Variants in PTPRM observed in about 807,000 individuals in gnomAD.
The protein encoded by PTPRM is receptor-type tyrosine-protein phosphatase mu.
Under a neutral mutation model 186.7 loss-of-function variants are expected in PTPRM, and 47 were observed. The ratio of observed to expected loss-of-function variants is 0.25; its 90% CI spans 0.20 to 0.32. The LOEUF is 0.32. PTPRM is among the 10% of genes least tolerant of loss of function. The probability of loss-of-function intolerance (pLI) is 1.00; values close to 1 mark genes in which losing one functional copy is unlikely to be tolerated. For missense variants in PTPRM, 1,494 were observed against 1,865.0 expected (o/e 0.80, Z 3.66); for synonymous variants, 668 against 674.9 (o/e 0.99, Z 0.16).
chr18:7,882,266 ATGTTTATTGT>A (rs1434359572), intron 2 of PTPRM, among the ~76,000 whole-genome samples: 1 of 152,154 alleles, frequency 6.6e-6, no homozygotes, highest in African/African-American at 2.4e-5. Context: ...CTAGCAATTC[ATGTTTATTGT>A]ATTTTATATA....
At chr18:8,091,319 C>T (rs1288320819) in intron 11 of PTPRM, among the ~76,000 whole-genome samples, 1 of 152,284 alleles carries the variant, frequency 6.6e-6, no homozygotes, top group East Asian at 1.9e-4. Flanking sequence ...GAATATGCTC[C>T]TTGAATTTGC....
At position 7,722,612 on chromosome 18, in the gene PTPRM, T is replaced by C. The variant is rs923474273; in HGVS notation, c.74-51537T>C. Among the ~76,000 whole-genome samples the C allele has an allele frequency of 6.6e-5, 10 of 151,920 alleles. No homozygotes were observed. In the South Asian group the frequency reaches 8.3e-4, roughly 13 times the overall value. ...AACCAAGATGAAATAAAAGAAAAGA[T>C]TGACAGGTTTGCCAGTGGCAACATA... On this transcript the variant is annotated intron_variant, in intron 1 of 32. Transcript: ENST00000580170.
intron 1 of PTPRM, among the ~76,000 whole-genome samples, chr18:7,722,044 T>G (rs1205228964): frequency 6.6e-6 from 1 of 152,228 alleles, no homozygotes; most frequent in African/African-American, 2.4e-5. Context: ...ACTGTTTGTA[T>G]TGTATATGCT....
chr18:8,313,296 C>T (rs1568726212), intron 20 of PTPRM, among the ~76,000 whole-genome samples: 1 of 152,192 alleles, frequency 6.6e-6, no homozygotes, highest in Non-Finnish European at 1.5e-5. Context: ...CTGTGCTTTC[C>T]TTTCAGGGCA....
intron 1 of PTPRM, among the ~76,000 whole-genome samples, chr18:7,684,367 C>T (rs2039549264): frequency 6.6e-6 from 1 of 151,920 alleles, no homozygotes; most frequent in Non-Finnish European, 1.5e-5. Flanking sequence ...AACATGGGAT[C>T]ATAAGATCTA....
chr18:7,884,099 A>C (rs1486724338), intron 2 of PTPRM, among the ~76,000 whole-genome samples: 1 of 152,104 alleles, frequency 6.6e-6, no homozygotes, highest in Non-Finnish European at 1.5e-5. Flanking sequence ...ATGAGCCGTG[A>C]CTCTGCCACT....
At chr18:7,646,454 G>C (rs938981495) in intron 1 of PTPRM, among the ~76,000 whole-genome samples, 2 of 152,122 alleles carry the variant, frequency 1.3e-5, no homozygotes, top group African/African-American at 2.4e-5. Flanking sequence ...TTTTGTAAAT[G>C]TTACTTGCAT....
intron 10 of PTPRM, among the ~76,000 whole-genome samples, chr18:8,086,966 GA>G (rs1005219253): frequency 6.6e-6 from 1 of 152,032 alleles, no homozygotes; most frequent in Non-Finnish European, 1.5e-5. Flanking sequence ...AAGTCTTTGG[GA>G]AGTTAGAATA....
chr18:8,272,636 T>G (rs962219950), intron 19 of PTPRM, among the ~76,000 whole-genome samples: 1 of 152,182 alleles, frequency 6.6e-6, no homozygotes, highest in African/African-American at 2.4e-5. Context: ...TTTTTATTAA[T>G]GATTTCCAAG....
chr18:7,917,460 T>C (rs7244035), intron 4 of PTPRM, among the ~76,000 whole-genome samples: 44,058 of 151,926 alleles, frequency 0.29, 6,796 homozygotes, highest in East Asian at 0.44. Context: ...GGCGTGAACC[T>C]GGGAGGCGGA....
chr18:7,604,464 G>A (rs911958856), intron 1 of PTPRM, among the ~76,000 whole-genome samples: 4 of 152,248 alleles, frequency 2.6e-5, no homozygotes, highest in African/African-American at 9.6e-5. Flanking sequence ...TGAAGTCTTG[G>A]CATTAGTGAC....
intron 1 of PTPRM, among the ~76,000 whole-genome samples, chr18:7,706,090 T>G (rs1447003267): frequency 2.0e-5 from 3 of 151,036 alleles, no homozygotes; most frequent in Non-Finnish European, 2.9e-5. Context: ...TGTTACCTTT[T>G]AAAATAGTTC....
intron 2 of PTPRM, among the ~76,000 whole-genome samples, chr18:7,788,893 T>C (rs1429537283): frequency 2.6e-5 from 4 of 152,238 alleles, no homozygotes; most frequent in African/African-American, 9.6e-5. Flanking sequence ...CCAGCTGTTA[T>C]AGATAGTTAA....
At chr18:7,574,411 G>C (rs1235338831) in intron 1 of PTPRM, among the ~76,000 whole-genome samples, 1 of 152,178 alleles carries the variant, frequency 6.6e-6, no homozygotes, top group Non-Finnish European at 1.5e-5. Flanking sequence ...GTTATAATAA[G>C]CATGCAGCCC....
Position 7,598,957 on chromosome 18 carries a change from A to G in PTPRM, c.73+31066A>G, listed in dbSNP as rs367855070. 2.6e-5 allele frequency among the ~76,000 whole-genome samples: 4 copies of G among 152,282 alleles called. No homozygotes were observed. The East Asian group carries it at 7.7e-4, about 29-fold the overall frequency. ...TAAAGAGCTGAGCAAATCTTAAAGC[A>G]TTATTATCACATTTTAGACTAAATA... On this transcript the variant is annotated intron_variant, in intron 1 of 32. Coordinates refer to ENST00000580170, the MANE Select transcript of PTPRM (RefSeq NM_001105244.2).
At chr18:8,187,337 T>C (rs2093655788) in intron 14 of PTPRM, among the ~76,000 whole-genome samples, 1 of 152,128 alleles carries the variant, frequency 6.6e-6, no homozygotes, top group Non-Finnish European at 1.5e-5. Flanking sequence ...GTCTTGGGTC[T>C]GTGGTGGGAG....
intron 14 of PTPRM, among the ~76,000 whole-genome samples, chr18:8,239,414 G>A (rs563048491): frequency 6.6e-6 from 1 of 152,072 alleles, no homozygotes; most frequent in East Asian, 1.9e-4. Flanking sequence ...GAGGCCTGAG[G>A]GGATTTGTCT....
intron 19 of PTPRM, among the ~76,000 whole-genome samples, chr18:8,261,762 T>C (rs2094634201): frequency 6.6e-6 from 1 of 152,242 alleles, no homozygotes; most frequent in Non-Finnish European, 1.5e-5. Flanking sequence ...ATGCTCCCGC[T>C]GATGATAATT....
At position 7,880,230 on chromosome 18, in the gene PTPRM, G is replaced by T. The variant is rs78791521; in HGVS notation, c.197-7876G>T. Among the ~76,000 whole-genome samples the T allele has an allele frequency of 6.6e-3, 1,005 of 152,258 alleles. 9 individuals carry two copies. The highest frequency in any genetic ancestry group is 0.023 in the African/African-American group (957 of 41,550). On this transcript the variant is annotated intron_variant, in intron 2 of 32. Transcript: ENST00000580170. ...AGCCAAGCCATATCAGAGAGTAAAG[G>T]GATGTGCAGTTGGTTAGAGAGTTTT...
Sources: gnomAD v4.1 joint callset for allele counts (sites outside exome capture counted in the v4.1 genomes callset) on GRCh38, gnomAD v4.1.1 for gene constraint, MANE v1.5 for transcripts, NCBI Gene and HGNC (gene_info 2026-07-23, HGNC 2026-07-21) for gene names.